Variants in CDC45 observed in about 807,000 individuals in gnomAD.
CDC45 encodes the protein cell division control protein 45 homolog.
CDC45 carries 54 observed loss-of-function variants against 77.8 expected under a neutral mutation model. That is an observed-to-expected ratio of 0.69 (90% CI 0.56 to 0.87). The LOEUF (loss-of-function observed/expected upper bound fraction) is 0.87, where lower values mean the gene tolerates loss of function less well. Among genes scored for constraint, CDC45 ranks in the 40% least tolerant of loss-of-function variants. The pLI, the probability that CDC45 is intolerant of heterozygous loss-of-function variation, is 0.00. For synonymous variants in CDC45, 260 were observed against 272.1 expected, an observed-to-expected ratio of 0.96 and a Z score of 0.44; for missense variants, 649 against 721.6, an observed-to-expected ratio of 0.90 and a Z score of 1.15.
Position 19,483,945 on chromosome 22 carries a change from GCATT to G in CDC45, c.429_432del (p.His143GlnfsTer17). 1 of 1,613,924 alleles carries G rather than the reference GCATT, an allele frequency of 6.2e-7. No individual in the cohort carries two copies. Among genetic ancestry groups the G allele is most frequent in the Non-Finnish European group, 8.5e-7 (1 of 1,179,962 alleles). On this transcript the variant is annotated frameshift_variant, in exon 5 of 19. Transcript: ENST00000263201. LOFTEE classifies it high-confidence loss of function. ...TCAGGGATGAAGAGGAGGATGAAGA[GCATT>G]CAGGAAATGACAGTGATGGGTCAGA...
chr22:19,480,281 G>T (rs1183437766), intron 2 of CDC45, 64 bp downstream of exon 2: 9 of 1,449,408 alleles, frequency 6.2e-6, no homozygotes, highest in Non-Finnish European at 8.7e-6. Context: ...GCGTGGGGGC[G>T]CAGGGCGGGC....
intron 15 of CDC45, 178 bp from the exon 16 acceptor site, chr22:19,516,349 A>G: frequency 3.1e-6 from 2 of 648,432 alleles, no homozygotes; most frequent in Non-Finnish European, 5.6e-6. Flanking sequence ...ACTGGGAGTT[A>G]GACACTGGCC....
intron 17 of CDC45, among the ~76,000 whole-genome samples, chr22:19,518,002 C>T (rs1033484867): frequency 4.6e-5 from 7 of 152,222 alleles, no homozygotes; most frequent in Non-Finnish European, 1.5e-5. Context: ...GTTGAAGTGG[C>T]GTCAGCCATC....
chr22:19,499,255 T>TC, intron 9 of CDC45, 104 bp downstream of exon 9: 2 of 1,164,418 alleles, frequency 1.7e-6, no homozygotes, highest in South Asian at 2.5e-5. Flanking sequence ...TGTAGGGTCC[T>TC]ATTGAGAAGT....
chr22:19,506,838 G>A (rs1933210466), intron 10 of CDC45, among the ~76,000 whole-genome samples: 1 of 152,168 alleles, frequency 6.6e-6, no homozygotes, highest in Non-Finnish European at 1.5e-5. Context: ...GGAGGCTGAG[G>A]CAGGAGAATG....
At position 19,502,521 on chromosome 22, in the gene CDC45, A is replaced by G. The variant is rs561403215; in HGVS notation, c.705-2841A>G. Reference sequence around the variant, plus strand: ...TTTAACCCACATACACACACATACAAAGGTACAGCTTTTACTGCAGAACTC... The same window carrying G: ...TTTAACCCACATACACACACATACAGAGGTACAGCTTTTACTGCAGAACTC... On this transcript the variant is annotated intron_variant, in intron 9 of 18. Transcript: ENST00000263201. Among the ~76,000 whole-genome samples, 15 of 152,334 alleles carry G rather than the reference A, an allele frequency of 9.8e-5. 1 individual carries two copies. The South Asian group carries it at 3.1e-3, about 32-fold the overall frequency.
At chr22:19,506,889 G>A (rs1303226145) in intron 10 of CDC45, among the ~76,000 whole-genome samples, 1 of 151,802 alleles carries the variant, frequency 6.6e-6, no homozygotes, top group African/African-American at 2.4e-5. Context: ...AGCCGAGATC[G>A]TGCCACTGCA....
intron 5 of CDC45, among the ~76,000 whole-genome samples, chr22:19,487,608 A>G (rs575690662): frequency 7.2e-5 from 11 of 152,160 alleles, no homozygotes; most frequent in African/African-American, 2.6e-4. Context: ...GTTATAAATA[A>G]TTGTTTTAAG....
intron 9 of CDC45, among the ~76,000 whole-genome samples, chr22:19,504,431 C>G (rs1933040251): frequency 2.0e-5 from 3 of 152,212 alleles, no homozygotes; most frequent in Admixed American, 1.3e-4. Flanking sequence ...TCCCAAGTAG[C>G]TGGGATTACC....
intron 8 of CDC45, 43 bp downstream of exon 8, chr22:19,497,490 T>C: frequency 6.5e-7 from 1 of 1,545,798 alleles, no homozygotes; most frequent in Non-Finnish European, 8.9e-7. Flanking sequence ...ATTTGTTGCC[T>C]TGGTCAGTGC....
At chr22:19,488,568 GTAGC>G (rs2090108711) in intron 5 of CDC45, among the ~76,000 whole-genome samples, 1 of 152,184 alleles carries the variant, frequency 6.6e-6, no homozygotes, top group Admixed American at 6.5e-5. Context: ...TCAGCATCCA[GTAGC>G]CACAAGGGAG....
intron 5 of CDC45, 125 bp downstream of exon 5, chr22:19,484,130 G>GGATGCTGACCCTGGGC: frequency 1.1e-6 from 1 of 880,142 alleles, no homozygotes. Context: ...TAGCAGGCAT[G>GGATGCTGACCCTGGGC]GATGCTGACC....
chr22:19,494,684 ATTAT>A, intron 6 of CDC45: 3 of 964,162 alleles, frequency 3.1e-6, no homozygotes, highest in South Asian at 2.8e-5. Flanking sequence ...TGATTTACAA[ATTAT>A]TTATAAGAAG....
chr22:19,495,635 T>C (rs374890038), intron 6 of CDC45, among the ~76,000 whole-genome samples: 1 of 152,176 alleles, frequency 6.6e-6, no homozygotes, highest in East Asian at 1.9e-4. Flanking sequence ...CTGGACAACA[T>C]AGTGAGACTT....
chr22:19,496,158 C>T (rs1287156127), intron 7 of CDC45, 129 bp downstream of exon 7: 27 of 679,360 alleles, frequency 4.0e-5, no homozygotes, highest in Non-Finnish European at 1.3e-5. Context: ...ATGTCTTCCC[C>T]CTGTGTGACC....
intron 5 of CDC45, among the ~76,000 whole-genome samples, chr22:19,488,148 G>A (rs2090101706): frequency 3.3e-5 from 5 of 152,224 alleles, no homozygotes; most frequent in African/African-American, 1.2e-4. Context: ...CTGTAGGCAA[G>A]TGACTTAACC....
chr22:19,496,140 T>G (rs1470227947), intron 7 of CDC45, 111 bp downstream of exon 7: 1 of 760,708 alleles, frequency 1.3e-6, no homozygotes, highest in African/African-American at 1.7e-5. Flanking sequence ...GGTTTGAATC[T>G]GAGCTCCATG....
intron 13 of CDC45, among the ~76,000 whole-genome samples, chr22:19,510,220 A>C (rs1601978045): frequency 6.6e-6 from 1 of 152,128 alleles, no homozygotes; most frequent in East Asian, 1.9e-4. Context: ...CAGCCTCCCA[A>C]AGTGCTGGGA....
At chr22:19,518,697 A>G in intron 17 of CDC45, 147 bp from the exon 18 acceptor site, 1 of 683,608 alleles carries the variant, frequency 1.5e-6, no homozygotes, top group Admixed American at 2.1e-5. Flanking sequence ...TGAGACAGAC[A>G]CAACCACTGA....
Sources: gnomAD v4.1 joint callset for allele counts (sites outside exome capture counted in the v4.1 genomes callset) on GRCh38, gnomAD v4.1.1 for gene constraint, MANE v1.5 for transcripts, NCBI Gene and HGNC (gene_info 2026-07-23, HGNC 2026-07-21) for gene names.